CLVS1: variants seen among roughly 807,000 people sequenced by gnomAD.
The protein encoded by CLVS1 is clavesin 1.
Under a neutral mutation model 33.1 loss-of-function variants are expected in CLVS1, and 10 were observed. The ratio of observed to expected loss-of-function variants is 0.30; its 90% CI spans 0.19 to 0.51. CLVS1 has a LOEUF of 0.51. Among genes scored for constraint, CLVS1 ranks in the 20% least tolerant of loss-of-function variants. The probability of loss-of-function intolerance (pLI) is 0.97; values close to 1 mark genes in which losing one functional copy is unlikely to be tolerated. For synonymous variants in CLVS1, 163 were observed against 166.1 expected, an observed-to-expected ratio of 0.98 and a Z score of 0.14; for missense variants, 343 against 433.4, an observed-to-expected ratio of 0.79 and a Z score of 1.85.
chr8:61,113,007 T>C (rs1805656644), intron 1 of CLVS1, among the ~76,000 whole-genome samples: 2 of 152,192 alleles, frequency 1.3e-5, no homozygotes, highest in Admixed American at 1.3e-4. Flanking sequence ...CACTTCTGCA[T>C]TGACTGCTGT....
the CLVS1 span, among the ~76,000 whole-genome samples, chr8:60,971,655 C>G: frequency 6.6e-6 from 1 of 152,126 alleles, no homozygotes; most frequent in Non-Finnish European, 1.5e-5. Context: ...GAAAATGAGC[C>G]TCTCAGCAGG....
intron 2 of CLVS1, among the ~76,000 whole-genome samples, chr8:61,177,508 C>T (rs545577105): frequency 6.6e-6 from 1 of 152,288 alleles, no homozygotes; most frequent in Admixed American, 6.5e-5. Context: ...ATGGGTCCTG[C>T]TTCCTATGCC....
chr8:61,240,847 C>G (rs908702202), intron 2 of CLVS1, among the ~76,000 whole-genome samples: 5 of 148,824 alleles, frequency 3.4e-5, no homozygotes, highest in African/African-American at 1.3e-4. Flanking sequence ...GCCTTGATCT[C>G]ACGGGTAAAA....
At chr8:61,085,636 A>T (rs1805103228) in intron 1 of CLVS1, among the ~76,000 whole-genome samples, 1 of 151,768 alleles carries the variant, frequency 6.6e-6, no homozygotes, top group Non-Finnish European at 1.5e-5. Flanking sequence ...CATGCCTGTA[A>T]TCCCAGCACT....
intron 1 of CLVS1, among the ~76,000 whole-genome samples, chr8:61,123,235 C>G (rs1487252995): frequency 8.9e-6 from 1 of 112,084 alleles, no homozygotes; most frequent in Non-Finnish European, 2.0e-5. Context: ...CACCATTGCA[C>G]TCCAGCCTGG....
At chr8:61,118,411 C>T (rs1332910757) in intron 1 of CLVS1, among the ~76,000 whole-genome samples, 1 of 126,328 alleles carries the variant, frequency 7.9e-6, no homozygotes, top group Non-Finnish European at 1.6e-5. Flanking sequence ...TTGCCTTCTG[C>T]TAGCTTTTGA....
intron 2 of CLVS1, among the ~76,000 whole-genome samples, chr8:61,239,654 T>C (rs1563458232): frequency 1.3e-5 from 2 of 152,134 alleles, no homozygotes; most frequent in African/African-American, 4.8e-5. Context: ...GAGGATTGCC[T>C]GAGGCTGAGA....
chr8:61,331,858 T>TCTC (rs1336981724), intron 2 of CLVS1, among the ~76,000 whole-genome samples: 2 of 150,002 alleles, frequency 1.3e-5, no homozygotes, highest in African/African-American at 5.0e-5. Flanking sequence ...TCCTTCTTCT[T>TCTC]CTCCTTCTTT....
chr8:61,394,164 T>A (rs977513954), intron 3 of CLVS1, among the ~76,000 whole-genome samples: 1 of 152,202 alleles, frequency 6.6e-6, no homozygotes, highest in Non-Finnish European at 1.5e-5. Context: ...CTTGCCAACA[T>A]GGTGAAACAC....
intron 2 of CLVS1, among the ~76,000 whole-genome samples, chr8:61,327,130 A>G (rs974904253): frequency 3.3e-5 from 5 of 152,218 alleles, no homozygotes; most frequent in East Asian, 1.9e-4. Flanking sequence ...TGTAGACAGC[A>G]TGAGAGAATT....
At chr8:61,074,968 A>C (rs894801785) in intron 1 of CLVS1, among the ~76,000 whole-genome samples, 2 of 152,176 alleles carry the variant, frequency 1.3e-5, no homozygotes, top group African/African-American at 2.4e-5. Flanking sequence ...TTTGAAATAG[A>C]AAATCATCCT....
intron 2 of CLVS1, among the ~76,000 whole-genome samples, chr8:61,320,873 A>G (rs564878994): frequency 6.6e-6 from 1 of 152,304 alleles, no homozygotes; most frequent in East Asian, 1.9e-4. Flanking sequence ...CTCTTGTGGA[A>G]GATAAGAAGT....
At chr8:61,248,520 A>G (rs1381453502) in intron 2 of CLVS1, among the ~76,000 whole-genome samples, 1 of 151,958 alleles carries the variant, frequency 6.6e-6, no homozygotes, top group Admixed American at 6.6e-5. Flanking sequence ...TGTTAGCTGT[A>G]TTCCTAGTTT....
intron 5 of CLVS1, among the ~76,000 whole-genome samples, chr8:61,470,247 A>G (rs1210846876): frequency 2.0e-5 from 3 of 152,238 alleles, no homozygotes; most frequent in Non-Finnish European, 2.9e-5. Context: ...AAATCTATAT[A>G]ATGAATTTAG....
intron 5 of CLVS1, among the ~76,000 whole-genome samples, chr8:61,498,919 A>G (rs1804395487): frequency 6.6e-6 from 1 of 152,192 alleles, no homozygotes; most frequent in Admixed American, 6.5e-5. Flanking sequence ...GAGAGACAAA[A>G]GGTTTAAAAG....
chr8:61,297,711 T>C (rs1486740839), intron 1 of CLVS1, among the ~76,000 whole-genome samples: 1 of 152,028 alleles, frequency 6.6e-6, no homozygotes, highest in African/African-American at 2.4e-5. Context: ...GGGGGCAGGA[T>C]CTTAGAGAAC....
chr8:60,992,793 A>G, the CLVS1 span, among the ~76,000 whole-genome samples: 11 of 152,186 alleles, frequency 7.2e-5, no homozygotes, highest in Non-Finnish European at 1.2e-4. Context: ...AATTAAGAAG[A>G]GCAAGACATG....
At chr8:61,175,851 A>G (rs1807103034) in intron 2 of CLVS1, among the ~76,000 whole-genome samples, 2 of 152,194 alleles carry the variant, frequency 1.3e-5, no homozygotes, top group South Asian at 2.1e-4. Flanking sequence ...GTGATTTGTT[A>G]CAGCAGCTTT....
rs1167743712 is a variant in CLVS1, at chr8:61,357,494, C to CTTTTTTTTTTTTTTTT, written c.456-19098_456-19083dup. Among the ~76,000 whole-genome samples the CTTTTTTTTTTTTTTTT allele has an allele frequency of 1.6e-3, 40 of 25,800 alleles. 7 individuals carry two copies. The highest frequency in any genetic ancestry group is 5.5e-3 in the South Asian group (3 of 544). The allele number at this position is 25,800 out of a possible 152,430, so 16.9% of individuals were successfully genotyped here. On this transcript the variant is annotated intron_variant, in intron 2 of 5. Coordinates refer to ENST00000325897, the MANE Select transcript of CLVS1 (RefSeq NM_173519.3). ...CTTCTTTTTCTTTCCTTTTTCTTTT[C>CTTTTTTTTTTTTTTTT]TTTTTTTTTTTTTTTTTTTTTTTTT...
Sources: allele counts gnomAD v4.1 joint callset (sites outside exome capture counted in the v4.1 genomes callset), GRCh38; gene constraint gnomAD v4.1.1; transcripts MANE v1.5; gene names NCBI Gene and HGNC (gene_info 2026-07-23, HGNC 2026-07-21).